The following RABGAP1L variants were observed in gnomAD, a reference collection of about 807,000 sequenced individuals.
RABGAP1L encodes the protein rab GTPase-activating protein 1-like.
A neutral mutation model predicts 137.7 loss-of-function variants in RABGAP1L; 63 were observed. The observed-to-expected ratio is 0.46, with a 90% confidence interval of 0.37 to 0.56. The LOEUF (loss-of-function observed/expected upper bound fraction) is 0.56, where lower values mean the gene tolerates loss of function less well. Among genes scored for constraint, RABGAP1L ranks in the 20% least tolerant of loss-of-function variants. RABGAP1L has a pLI of 0.00. For synonymous variants in RABGAP1L, 431 were observed against 433.7 expected, an observed-to-expected ratio of 0.99 and a Z score of 0.08; for missense variants, 1,095 against 1,244.0, an observed-to-expected ratio of 0.88 and a Z score of 1.80.
intron 19 of RABGAP1L, among the ~76,000 whole-genome samples, chr1:174,901,582 G>A (rs957916389): frequency 1.3e-5 from 2 of 152,120 alleles, no homozygotes; most frequent in Admixed American, 1.3e-4. Flanking sequence ...TGAGATTTGG[G>A]TGGGGACACA....
At chr1:174,856,796 G>A (rs999450446) in intron 19 of RABGAP1L, among the ~76,000 whole-genome samples, 1 of 151,828 alleles carries the variant, frequency 6.6e-6, no homozygotes, top group Non-Finnish European at 1.5e-5. Context: ...GCGTGCTGGT[G>A]CGCACCTGTA....
chr1:174,626,486 A>G (rs1672953433), intron 13 of RABGAP1L, among the ~76,000 whole-genome samples: 1 of 152,144 alleles, frequency 6.6e-6, no homozygotes, highest in Admixed American at 6.6e-5. Flanking sequence ...CTTTCCCTGA[A>G]GAGATTTATT....
intron 11 of RABGAP1L, among the ~76,000 whole-genome samples, chr1:174,348,793 AG>A (rs1250525808): frequency 1.3e-5 from 2 of 151,346 alleles, no homozygotes; most frequent in African/African-American, 4.8e-5. Flanking sequence ...ACAGATCAAC[AG>A]GATCCCAAGA....
At chr1:174,446,752 G>A (rs966247272) in intron 13 of RABGAP1L, among the ~76,000 whole-genome samples, 1 of 152,118 alleles carries the variant, frequency 6.6e-6, no homozygotes, top group Non-Finnish European at 1.5e-5. Flanking sequence ...TTAACATATG[G>A]CTGCTACATA....
chr1:174,237,850 A>G (rs1427932686), intron 4 of RABGAP1L, among the ~76,000 whole-genome samples: 2 of 150,710 alleles, frequency 1.3e-5, no homozygotes, highest in African/African-American at 4.9e-5. Flanking sequence ...CTCCTGGATA[A>G]TATCCTGCAG....
chr1:174,226,503 T>A (rs562355263), intron 3 of RABGAP1L, among the ~76,000 whole-genome samples: 1 of 152,130 alleles, frequency 6.6e-6, no homozygotes, highest in African/African-American at 2.4e-5. Flanking sequence ...GAGAGATAAA[T>A]TGTAACAGGC....
chr1:174,874,328 C>A, intron 19 of RABGAP1L: 1 of 257,806 alleles, frequency 3.9e-6, no homozygotes, highest in Non-Finnish European at 6.1e-6. Flanking sequence ...CATGTGGAAA[C>A]CAGGAATCTA....
At chr1:174,849,811 A>G (rs920544296) in intron 19 of RABGAP1L, 10 of 547,924 alleles carry the variant, frequency 1.8e-5, no homozygotes, top group South Asian at 9.7e-5. Flanking sequence ...AGAAGTGTCA[A>G]TGCTTCTACA....
chr1:174,434,102 T>TACAC (rs1400358664), intron 13 of RABGAP1L, among the ~76,000 whole-genome samples: 73 of 102,834 alleles, frequency 7.1e-4, no homozygotes, highest in African/African-American at 3.0e-3. Flanking sequence ...CGCATGCGTG[T>TACAC]ACACATACAC....
intron 13 of RABGAP1L, among the ~76,000 whole-genome samples, chr1:174,561,212 A>C (rs954988075): frequency 6.6e-6 from 1 of 152,212 alleles, no homozygotes; most frequent in East Asian, 1.9e-4. Context: ...AAGCATTCCT[A>C]TGCACCAAAA....
chr1:174,327,432 AATAAT>A (rs1680535881), intron 11 of RABGAP1L, among the ~76,000 whole-genome samples: 1 of 152,104 alleles, frequency 6.6e-6, no homozygotes, highest in Non-Finnish European at 1.5e-5. Flanking sequence ...GTCAGCTTAA[AATAAT>A]ATAACTGTAA....
intron 18 of RABGAP1L, among the ~76,000 whole-genome samples, chr1:174,775,097 C>T (rs1490587500): frequency 2.0e-5 from 3 of 152,010 alleles, no homozygotes; most frequent in Admixed American, 6.6e-5. Context: ...TCTTTCAATT[C>T]GGAGGAAGAG....
intron 18 of RABGAP1L, among the ~76,000 whole-genome samples, chr1:174,767,653 T>A (rs1685783896): frequency 6.6e-6 from 1 of 152,164 alleles, no homozygotes; most frequent in African/African-American, 2.4e-5. Flanking sequence ...ATTGATCTTA[T>A]AACCTGCAAC....
At chr1:174,756,674 G>A (rs1196402759) in intron 18 of RABGAP1L, among the ~76,000 whole-genome samples, 3 of 152,076 alleles carry the variant, frequency 2.0e-5, no homozygotes, top group African/African-American at 7.2e-5. Context: ...GCATGCAAGA[G>A]TGAGAATCCA....
chr1:174,406,354 T>C (rs1281848081), intron 13 of RABGAP1L, among the ~76,000 whole-genome samples: 1 of 152,216 alleles, frequency 6.6e-6, no homozygotes, highest in African/African-American at 2.4e-5. Context: ...TTCAAATGTG[T>C]TTAATAGTTT....
intron 13 of RABGAP1L, among the ~76,000 whole-genome samples, chr1:174,539,903 C>T (rs1343070146): frequency 1.3e-5 from 2 of 152,130 alleles, no homozygotes; most frequent in Non-Finnish European, 2.9e-5. Context: ...GTTTATAGTC[C>T]CACCAACAGT....
chr1:174,565,619 G>C (rs1486276109), intron 13 of RABGAP1L, among the ~76,000 whole-genome samples: 2 of 151,972 alleles, frequency 1.3e-5, no homozygotes, highest in Admixed American at 6.6e-5. Context: ...TCACTGTCTG[G>C]ACTTGACGCA....
intron 13 of RABGAP1L, among the ~76,000 whole-genome samples, chr1:174,486,579 C>T (rs1022593374): frequency 1.3e-5 from 2 of 152,020 alleles, no homozygotes; most frequent in Non-Finnish European, 2.9e-5. Flanking sequence ...ATCCCCTGAC[C>T]TCGTGATCTG....
chr1:174,559,235 T>C (rs1488014855), intron 13 of RABGAP1L, among the ~76,000 whole-genome samples: 4 of 152,216 alleles, frequency 2.6e-5, no homozygotes, highest in African/African-American at 9.7e-5. Flanking sequence ...TTATCATAAG[T>C]CTTAGAACTT....
Sources: allele counts gnomAD v4.1 joint callset (sites outside exome capture counted in the v4.1 genomes callset), GRCh38; gene constraint gnomAD v4.1.1; transcripts MANE v1.5; gene names NCBI Gene and HGNC (gene_info 2026-07-23, HGNC 2026-07-21).